CDYL: variants seen among roughly 807,000 people sequenced by gnomAD.
CDYL encodes chromodomain Y like.
CDYL carries 8 observed loss-of-function variants against 47.3 expected under a neutral mutation model. The ratio of observed to expected loss-of-function variants is 0.17; its 90% CI spans 0.10 to 0.31. CDYL has a LOEUF of 0.31. Among genes scored for constraint, CDYL ranks in the 10% least tolerant of loss-of-function variants. The probability of loss-of-function intolerance (pLI) is 1.00; values close to 1 mark genes in which losing one functional copy is unlikely to be tolerated. For synonymous variants in CDYL, 266 were observed against 265.0 expected (o/e 1.00, Z -0.04); for missense variants, 471 against 701.4 (o/e 0.67, Z 3.71).
intron 1 of CDYL, among the ~76,000 whole-genome samples, chr6:4,790,536 T>C (rs888346407): frequency 6.6e-6 from 1 of 152,238 alleles, no homozygotes; most frequent in African/African-American, 2.4e-5. Context: ...CATCTGCCTT[T>C]TCCCCTGGTC....
intron 1 of CDYL, among the ~76,000 whole-genome samples, chr6:4,836,588 C>T (rs547219641): frequency 6.6e-6 from 1 of 152,228 alleles, no homozygotes; most frequent in Non-Finnish European, 1.5e-5. Flanking sequence ...TAAAAGATTG[C>T]TCATTAGAAT....
Position 4,906,053 on chromosome 6 carries a change from C to CT in CDYL, c.691+13675dup, listed in dbSNP as rs144327598. ...ATCAAATGGTAAGATGACGTGGTCT[C>CT]TAAGGAGGAGTGTCTACAGCTTTAA... On this transcript the variant is annotated intron_variant, in intron 2 of 6. Coordinates refer to ENST00000397588, the MANE Select transcript of CDYL (RefSeq NM_004824.4). 8.4e-3 allele frequency among the ~76,000 whole-genome samples: 1,287 copies of CT among 152,310 alleles called. 20 individuals are homozygous for CT. Among genetic ancestry groups the CT allele is most frequent in the African/African-American group, 0.03 (1,242 of 41,552 alleles).
At chr6:4,913,891 G>A (rs1014338501) in intron 2 of CDYL, among the ~76,000 whole-genome samples, 5 of 152,360 alleles carry the variant, frequency 3.3e-5, no homozygotes, top group East Asian at 3.9e-4. Flanking sequence ...CCTTGTTGGC[G>A]GAGCCCGGGT....
intron 1 of CDYL, among the ~76,000 whole-genome samples, chr6:4,813,664 C>G (rs888538577): frequency 6.6e-5 from 10 of 152,152 alleles, no homozygotes; most frequent in African/African-American, 2.2e-4. Context: ...TTTATTTTAT[C>G]CGATTGTTAT....
At chr6:4,786,150 G>A (rs924270271) in intron 1 of CDYL, among the ~76,000 whole-genome samples, 1 of 152,226 alleles carries the variant, frequency 6.6e-6, no homozygotes, top group African/African-American at 2.4e-5. Context: ...CTCCTAAGGA[G>A]GTGGAGGTGG....
At chr6:4,921,833 T>A (rs1029931196) in intron 2 of CDYL, among the ~76,000 whole-genome samples, 5 of 152,258 alleles carry the variant, frequency 3.3e-5, no homozygotes, top group African/African-American at 1.2e-4. Context: ...AAAATACTTA[T>A]TGAGCACCAA....
chr6:4,824,731 AT>A (rs142967434), intron 1 of CDYL, among the ~76,000 whole-genome samples: 4 of 150,674 alleles, frequency 2.7e-5, no homozygotes, highest in African/African-American at 7.3e-5. Context: ...CAGTTTACCT[AT>A]TTTTTTTTCT....
intron 1 of CDYL, among the ~76,000 whole-genome samples, chr6:4,792,303 G>A (rs931643042): frequency 6.6e-5 from 10 of 151,806 alleles, no homozygotes; most frequent in Non-Finnish European, 1.3e-4. Context: ...TCTAATCTTT[G>A]CTACTATATA....
intron 1 of CDYL, among the ~76,000 whole-genome samples, chr6:4,805,216 T>C (rs1041439561): frequency 3.9e-5 from 6 of 152,222 alleles, no homozygotes; most frequent in Non-Finnish European, 8.8e-5. Flanking sequence ...TTTTAGAAAC[T>C]TTTAGAACCA....
chr6:4,707,686 G>A (rs981352087), intron 1 of CDYL, among the ~76,000 whole-genome samples: 2 of 152,258 alleles, frequency 1.3e-5, no homozygotes, highest in East Asian at 3.9e-4. Context: ...ATCATATGCG[G>A]ATAGTACCTA....
At chr6:4,854,826 G>A (rs1760958595) in intron 1 of CDYL, among the ~76,000 whole-genome samples, 1 of 152,116 alleles carries the variant, frequency 6.6e-6, no homozygotes. Context: ...ATTTAGGTTT[G>A]GCCTGTCCTC....
chr6:4,953,757 C>A, intron 6 of CDYL, 141 bp from the exon 7 acceptor site: 1 of 743,348 alleles, frequency 1.3e-6, no homozygotes. Flanking sequence ...TTAGGCCCGA[C>A]ATATTGTGAG....
At chr6:4,771,650 G>A (rs2127425699), upstream of CDYL, among the ~76,000 whole-genome samples, 3 of 152,284 alleles carry the variant, frequency 2.0e-5, no homozygotes, top group South Asian at 6.2e-4. Context: ...GGTGGGTCTT[G>A]TGTTTCTATT....
upstream of CDYL, among the ~76,000 whole-genome samples, chr6:4,774,939 C>T (rs1758397529): frequency 6.6e-6 from 1 of 152,150 alleles, no homozygotes; most frequent in Non-Finnish European, 1.5e-5. Flanking sequence ...AGGGGAACGG[C>T]GATTCGACTC....
chr6:4,727,519 T>C (rs558078741), intron 2 of CDYL, among the ~76,000 whole-genome samples: 3 of 152,194 alleles, frequency 2.0e-5, no homozygotes, highest in East Asian at 3.9e-4. Context: ...TCCAGCCAAG[T>C]ATTGATTGTT....
chr6:4,859,269 G>A (rs1303500053), intron 1 of CDYL, among the ~76,000 whole-genome samples: 6 of 152,006 alleles, frequency 3.9e-5, no homozygotes, highest in Non-Finnish European at 8.8e-5. Flanking sequence ...TTTCTAGTGT[G>A]AGCTCAAGTC....
At chr6:4,809,026 T>C (rs917384319) in intron 1 of CDYL, among the ~76,000 whole-genome samples, 6 of 152,152 alleles carry the variant, frequency 3.9e-5, no homozygotes, top group Non-Finnish European at 8.8e-5. Context: ...CGTTCCAGCT[T>C]TCCCATTCCC....
At chr6:4,709,282 G>A (rs1182860723) in intron 1 of CDYL, among the ~76,000 whole-genome samples, 1 of 151,918 alleles carries the variant, frequency 6.6e-6, no homozygotes, top group African/African-American at 2.4e-5. Flanking sequence ...TGCAACCTCC[G>A]CCTCCTGAGT....
chr6:4,817,356 A>T lies in CDYL; in HGVS notation c.24+40549A>T, dbSNP rs545863023. On this transcript the variant is annotated intron_variant, in intron 1 of 6. Transcript: ENST00000397588. ...TCACCCTTTCCTTTTTAAGAGAATT[A>T]AAAAAAAAAAAAACTGTGAAATTCC... is the stretch of plus-strand genomic sequence containing the variant. 1.6e-4 allele frequency among the ~76,000 whole-genome samples: 18 copies of T among 111,444 alleles called. No individual in the cohort carries two copies. The South Asian group carries it at 4.6e-3, about 28-fold the overall frequency. 73.1% of individuals were successfully genotyped at this position (111,444 alleles called of 152,430 possible). A position where few individuals can be genotyped will look rare whatever the true frequency, so the allele number is the denominator to read the frequency against.
Sources: gnomAD v4.1 joint callset for allele counts (sites outside exome capture counted in the v4.1 genomes callset) on GRCh38, gnomAD v4.1.1 for gene constraint, MANE v1.5 for transcripts, NCBI Gene and HGNC (gene_info 2026-07-23, HGNC 2026-07-21) for gene names.